PTPN13: variants seen among roughly 807,000 people sequenced by gnomAD.
The protein encoded by PTPN13 is tyrosine-protein phosphatase non-receptor type 13.
A neutral mutation model predicts 284.0 loss-of-function variants in PTPN13; 191 were observed. That is an observed-to-expected ratio of 0.67 (90% CI 0.60 to 0.76). PTPN13 has a LOEUF of 0.76. Ranked by LOEUF, PTPN13 falls within the 30% of genes least tolerant of loss-of-function variation. The pLI is 0.00. For missense variants in PTPN13, 2,797 were observed against 2,939.9 expected (o/e 0.95, Z 1.12); for synonymous variants, 986 against 1,022.3 (o/e 0.96, Z 0.68).
chr4:86,795,951 A>G (rs566536869), intron 40 of PTPN13, among the ~76,000 whole-genome samples: 16 of 152,092 alleles, frequency 1.1e-4, no homozygotes, highest in Non-Finnish European at 2.4e-4. Flanking sequence ...TGATGAGTTG[A>G]TGGGTACAGC....
intron 1 of PTPN13, among the ~76,000 whole-genome samples, chr4:86,607,451 G>A (rs1368081744): frequency 3.3e-5 from 5 of 151,928 alleles, no homozygotes; most frequent in Admixed American, 2.6e-4. Flanking sequence ...AAATTGAGAC[G>A]TAGTATATTA....
intron 1 of PTPN13, among the ~76,000 whole-genome samples, chr4:86,624,859 A>G (rs776182894): frequency 1.4e-4 from 21 of 152,180 alleles, no homozygotes; most frequent in African/African-American, 2.9e-4. Flanking sequence ...CAAAAATGCA[A>G]TGGTTCTTTA....
chr4:86,790,114 T>A (rs562074621), intron 40 of PTPN13, among the ~76,000 whole-genome samples: 1 of 152,280 alleles, frequency 6.6e-6, no homozygotes, highest in East Asian at 1.9e-4. Context: ...GAATAAGAAA[T>A]CCAAATGACT....
intron 1 of PTPN13, among the ~76,000 whole-genome samples, chr4:86,627,179 T>C (rs1202244667): frequency 2.0e-5 from 3 of 152,054 alleles, no homozygotes; most frequent in Non-Finnish European, 4.4e-5. Context: ...AAACAGAAAG[T>C]ACAAAGTTGG....
At chr4:86,642,666 G>T (rs929444549) in intron 2 of PTPN13, among the ~76,000 whole-genome samples, 2 of 151,770 alleles carry the variant, frequency 1.3e-5, no homozygotes, top group African/African-American at 2.4e-5. Flanking sequence ...TGTTGGCCAG[G>T]CTGGTCTTGA....
Position 86,775,185 on chromosome 4 carries a change from T to C in PTPN13, c.5523T>C (p.Asp1841=). The change falls in exon 34 of 48, where the codon GAT becomes GAC. Residue 1841 remains aspartate (D), a synonymous_variant. Transcript: ENST00000411767. ...GDRLIKVNDT[D]VTNMTHTDAV... ...TGTTTTTGTAGGTTAATGATACAGA[T>C]GTTACTAATATGACTCATACAGATG... The C allele has an allele frequency of 6.2e-7, 1 of 1,602,146 alleles. No individual in the cohort carries two copies. Among genetic ancestry groups the C allele is most frequent in the Non-Finnish European group, 8.5e-7 (1 of 1,176,294 alleles).
chr4:86,784,416 G>T, intron 37 of PTPN13, 49 bp from the exon 38 acceptor site: 1 of 1,306,892 alleles, frequency 7.7e-7, no homozygotes, highest in Non-Finnish European at 1.1e-6. Flanking sequence ...CCCGATCCTG[G>T]AAGTTAGTAA....
chr4:86,648,976 G>C (rs1578333428), intron 2 of PTPN13, among the ~76,000 whole-genome samples: 1 of 152,098 alleles, frequency 6.6e-6, no homozygotes, highest in South Asian at 2.1e-4. Flanking sequence ...CTGATGATTA[G>C]TGATTTTGAG....
At position 86,594,581 on chromosome 4, in the gene PTPN13, C is replaced by CGAGGAGGAG. The variant is rs369003214; in HGVS notation, c.-204_-196dup. ...TCGCCGCTGGGGAGCGTTTCCGAGG[C>CGAGGAGGAG]GAGGAGGAGGAGGAGGAGATGCTGC... On this transcript the variant is annotated 5_prime_UTR_variant, in exon 1 of 48. Coordinates refer to ENST00000411767, the MANE Select transcript of PTPN13 (RefSeq NM_080683.3). 1 of 152,040 alleles carries CGAGGAGGAG rather than the reference C, an allele frequency of 6.6e-6. No individual in the cohort carries two copies. The highest frequency in any genetic ancestry group is 1.9e-4 in the East Asian group (1 of 5,142). The allele number at this position is 152,040 out of a possible 1,614,324, so 9.4% of individuals were successfully genotyped here. A position where few individuals can be genotyped will look rare whatever the true frequency, so the allele number is the denominator to read the frequency against.
chr4:86,773,302 G>A (rs960130184), intron 32 of PTPN13, among the ~76,000 whole-genome samples: 4 of 152,288 alleles, frequency 2.6e-5, no homozygotes, highest in Middle Eastern at 3.4e-3. Context: ...TGTAAAGCAC[G>A]TAGTATAGTA....
chr4:86,782,693 AAAAT>A (rs1402254833), intron 37 of PTPN13, among the ~76,000 whole-genome samples: 4 of 152,204 alleles, frequency 2.6e-5, no homozygotes, highest in Admixed American at 6.5e-5. Context: ...AAGTAGCAAA[AAAAT>A]AAATAAATAA....
At chr4:86,646,918 C>T (rs897175978) in intron 2 of PTPN13, among the ~76,000 whole-genome samples, 1 of 152,068 alleles carries the variant, frequency 6.6e-6, no homozygotes, top group Admixed American at 6.5e-5. Flanking sequence ...GCAACAACAT[C>T]GATTAATCTC....
At chr4:86,770,864 A>G (rs1739913475) in intron 30 of PTPN13, among the ~76,000 whole-genome samples, 1 of 152,216 alleles carries the variant, frequency 6.6e-6, no homozygotes, top group Admixed American at 6.5e-5. Context: ...CCATTGGACC[A>G]TTATACAGGT....
intron 1 of PTPN13, among the ~76,000 whole-genome samples, chr4:86,615,941 A>G (rs1720500417): frequency 1.3e-5 from 2 of 152,224 alleles, no homozygotes; most frequent in African/African-American, 4.8e-5. Flanking sequence ...GTATTCCAGC[A>G]GTAATCTGAT....
At chr4:86,747,104 T>C (rs1199559545) in intron 17 of PTPN13, among the ~76,000 whole-genome samples, 1 of 152,252 alleles carries the variant, frequency 6.6e-6, no homozygotes, top group African/African-American at 2.4e-5. Context: ...TCATTATAGT[T>C]GTTGTATAGT....
intron 23 of PTPN13, among the ~76,000 whole-genome samples, chr4:86,761,165 TATATAA>T (rs1565506889): frequency 6.9e-6 from 1 of 145,810 alleles, no homozygotes; most frequent in African/African-American, 2.5e-5. Context: ...TATATATATA[TATATAA>T]ACACAACACA....
chr4:86,728,643 C>CATTTTTTTTTTTTTTTT (rs1734569004), intron 10 of PTPN13, among the ~76,000 whole-genome samples: 1 of 24,500 alleles, frequency 4.1e-5, no homozygotes, highest in Non-Finnish European at 7.6e-5. Flanking sequence ...CAACCCCTGC[C>CATTTTTTTTTTTTTTTT]TTTTTTTTTT....
At chr4:86,761,148 A>ATG (rs1565506700) in intron 23 of PTPN13, among the ~76,000 whole-genome samples, 1 of 143,476 alleles carries the variant, frequency 7.0e-6, no homozygotes, top group African/African-American at 2.5e-5. Context: ...AAATATATAT[A>ATG]TATATATATA....
In PTPN13 at chr4:86,654,154, C is replaced by T. The variant is rs182646108; in HGVS notation, c.116-18211C>T. On this transcript the variant is annotated intron_variant, in intron 2 of 47. Transcript: ENST00000411767. ...AACACATTCAAAAGCTAGCAGAAGG[C>T]AAGAAATAACTAAGACCAGAGCAGA... Among the ~76,000 whole-genome samples the T allele has an allele frequency of 2.6e-4, 40 of 152,108 alleles. No individual in the cohort carries two copies. The East Asian group carries it at 6.8e-3, about 26-fold the overall frequency.
Sources: gnomAD v4.1 joint callset for allele counts (sites outside exome capture counted in the v4.1 genomes callset) on GRCh38, gnomAD v4.1.1 for gene constraint, MANE v1.5 for transcripts, NCBI Gene and HGNC (gene_info 2026-07-23, HGNC 2026-07-21) for gene names.